PRKN: variants seen among roughly 807,000 people sequenced by gnomAD.
The protein encoded by PRKN is E3 ubiquitin-protein ligase parkin.
A neutral mutation model predicts 59.5 loss-of-function variants in PRKN; 56 were observed. That is an observed-to-expected ratio of 0.94 (90% CI 0.76 to 1.18). PRKN has a LOEUF of 1.18. PRKN is among the 50% of genes most tolerant of loss of function. The pLI is 0.00. For synonymous variants in PRKN, 250 were observed against 222.1 expected (o/e 1.13, Z -1.12); for missense variants, 657 against 596.4 (o/e 1.10, Z -1.06).
In PRKN at chr6:161,752,322, C is replaced by T. The variant is rs374801063; in HGVS notation, c.871+33450G>A. Among the ~76,000 whole-genome samples the T allele has an allele frequency of 8.5e-5, 13 of 152,148 alleles. No individual in the cohort carries two copies. The East Asian group carries it at 1.4e-3, about 16-fold the overall frequency. On this transcript the variant is annotated intron_variant, in intron 7 of 11. Transcript: ENST00000366898. ...GGCAGAGGCTGCAGTGAGCCGAGATCGCGCCACTGCACTCTAGCCTGGTGA... is the reference window on the plus strand; with the variant it reads ...GGCAGAGGCTGCAGTGAGCCGAGATTGCGCCACTGCACTCTAGCCTGGTGA...
At chr6:161,861,840 G>A (rs1793916437) in intron 6 of PRKN, among the ~76,000 whole-genome samples, 1 of 152,164 alleles carries the variant, frequency 6.6e-6, no homozygotes, top group African/African-American at 2.4e-5. Context: ...TGGGTGACTA[G>A]ATTTGTTTCC....
At chr6:161,365,497 G>T (rs1239438604) in intron 10 of PRKN, among the ~76,000 whole-genome samples, 3 of 152,200 alleles carry the variant, frequency 2.0e-5, no homozygotes, top group Admixed American at 6.5e-5. Context: ...AGCTCAACTT[G>T]AAGAAACCTC....
intron 7 of PRKN, among the ~76,000 whole-genome samples, chr6:161,748,222 T>C (rs1225784117): frequency 1.3e-5 from 2 of 152,198 alleles, no homozygotes; most frequent in Admixed American, 6.5e-5. Context: ...AGAAATATTA[T>C]ACATTTAGTG....
chr6:162,574,123 G>A (rs1470721781), intron 1 of PRKN, among the ~76,000 whole-genome samples: 3 of 152,124 alleles, frequency 2.0e-5, no homozygotes, highest in Non-Finnish European at 2.9e-5. Context: ...TGGCGGGGCT[G>A]CTGATTAGCC....
chr6:161,566,417 A>AT lies in PRKN; in HGVS notation c.933+2937dup, dbSNP rs1780644396. ...TTTTTCCCACCTTATTATCATTATTATTTTTCTGAGACAGAGTCTCACTCT... is the reference window on the plus strand; with the variant it reads ...TTTTTCCCACCTTATTATCATTATTATTTTTTCTGAGACAGAGTCTCACTCT... On this transcript the variant is annotated intron_variant, in intron 8 of 11. Coordinates refer to ENST00000366898, the MANE Select transcript of PRKN (RefSeq NM_004562.3). The surrounding 1 kb of genome is among the most constrained non-coding windows in gnomAD (Gnocchi z 4.1). Among the ~76,000 whole-genome samples the AT allele has an allele frequency of 6.6e-6, 1 of 151,542 alleles. No individual in the cohort carries two copies. The highest frequency in any genetic ancestry group is 2.4e-5 in the African/African-American group (1 of 41,214).
At chr6:161,798,593 A>C (rs1263026327) in intron 6 of PRKN, among the ~76,000 whole-genome samples, 1 of 152,190 alleles carries the variant, frequency 6.6e-6, no homozygotes, top group Non-Finnish European at 1.5e-5. Flanking sequence ...ACCTTTCTTG[A>C]ATTAATGCAT....
rs180921683 is a variant in PRKN, at chr6:162,703,840, A to G, written c.7+23822T>C. Among the ~76,000 whole-genome samples, 305 of 152,322 alleles carry G rather than the reference A, an allele frequency of 2.0e-3. 1 individual carries two copies. Among genetic ancestry groups the G allele is most frequent in the African/African-American group, 7.1e-3 (294 of 41,566 alleles). ...ATTACCACTGTTTTAGCTATCAGTG[A>G]AGGTGTTAGATTGTGTTGTTATTCC... On this transcript the variant is annotated intron_variant, in intron 1 of 11. Coordinates refer to ENST00000366898, the MANE Select transcript of PRKN (RefSeq NM_004562.3).
chr6:162,148,759 T>C (rs1782135819), intron 4 of PRKN, among the ~76,000 whole-genome samples: 1 of 152,198 alleles, frequency 6.6e-6, no homozygotes, highest in South Asian at 2.1e-4. Context: ...AGTAGAATTC[T>C]GAGATGGGCC....
At chr6:161,472,994 A>G (rs1337234655) in intron 9 of PRKN, among the ~76,000 whole-genome samples, 1 of 152,170 alleles carries the variant, frequency 6.6e-6, no homozygotes, top group East Asian at 1.9e-4. Flanking sequence ...AAAAGACATA[A>G]CAAGCGGTAG....
At chr6:162,108,954 G>C (rs1780302817) in intron 4 of PRKN, among the ~76,000 whole-genome samples, 1 of 152,226 alleles carries the variant, frequency 6.6e-6, no homozygotes, top group South Asian at 2.1e-4. Flanking sequence ...TTACTGAAGT[G>C]GCGGTGTACA....
At chr6:162,455,367 G>A (rs1009329494) in intron 1 of PRKN, among the ~76,000 whole-genome samples, 4 of 152,286 alleles carry the variant, frequency 2.6e-5, no homozygotes, top group African/African-American at 9.6e-5. Flanking sequence ...CAAACATCAT[G>A]GAGTGTATTT....
intron 2 of PRKN, among the ~76,000 whole-genome samples, chr6:162,268,854 G>T (rs747454095): frequency 1.3e-5 from 2 of 152,158 alleles, no homozygotes; most frequent in African/African-American, 4.8e-5. Context: ...ATGCTGCAAC[G>T]GAACCACCCC....
intron 2 of PRKN, among the ~76,000 whole-genome samples, chr6:162,357,099 T>C (rs1386886821): frequency 1.3e-5 from 2 of 151,986 alleles, no homozygotes; most frequent in African/African-American, 2.4e-5. Context: ...AAAGGCACAA[T>C]CCATGAAAGA....
At chr6:162,214,680 C>T (rs1777562290) in intron 3 of PRKN, among the ~76,000 whole-genome samples, 1 of 152,018 alleles carries the variant, frequency 6.6e-6, no homozygotes, top group Non-Finnish European at 1.5e-5. Context: ...ACAGATAACA[C>T]CCAAAATGTG....
At chr6:162,648,044 C>T (rs1371705584) in intron 1 of PRKN, among the ~76,000 whole-genome samples, 1 of 149,764 alleles carries the variant, frequency 6.7e-6, no homozygotes, top group Non-Finnish European at 1.5e-5. Context: ...CACCCATTCC[C>T]AACTAATTAC....
At chr6:162,406,016 A>G (rs183422275) in intron 2 of PRKN, among the ~76,000 whole-genome samples, 30 of 152,346 alleles carry the variant, frequency 2.0e-4, no homozygotes, top group Admixed American at 1.6e-3. Context: ...CTGAACATCA[A>G]GACAGGGATT....
In PRKN at chr6:161,581,475, G is replaced by A. The variant is rs1435816912; in HGVS notation, c.872-12059C>T. On this transcript the variant is annotated intron_variant, in intron 7 of 11. Coordinates refer to ENST00000366898, the MANE Select transcript of PRKN (RefSeq NM_004562.3). This position sits in a 1 kb window ranked among gnomAD's most constrained non-coding sequence, Gnocchi z 4.5. ...AGTTTTTTTGAGAAGTGTTGAGAGA[G>A]AAGAGGCCTGGAATCTAAAAACACA... Among the ~76,000 whole-genome samples, 1 of 152,186 alleles carries A rather than the reference G, an allele frequency of 6.6e-6. No individual in the cohort carries two copies. Among genetic ancestry groups the A allele is most frequent in the African/African-American group, 2.4e-5 (1 of 41,444 alleles).
chr6:162,581,759 C>CAA (rs1780800920), intron 1 of PRKN, among the ~76,000 whole-genome samples: 2 of 145,000 alleles, frequency 1.4e-5, no homozygotes, highest in Admixed American at 6.9e-5. Context: ...AACTCTGTCT[C>CAA]AAAATATATA....
chr6:162,395,397 A>G (rs1440261659), intron 2 of PRKN, among the ~76,000 whole-genome samples: 1 of 152,242 alleles, frequency 6.6e-6, no homozygotes, highest in Non-Finnish European at 1.5e-5. Flanking sequence ...CTTGGCCAAC[A>G]GCCAGCATCA....
Sources: allele counts gnomAD v4.1 joint callset (sites outside exome capture counted in the v4.1 genomes callset), GRCh38; gene constraint gnomAD v4.1.1; non-coding constraint Gnocchi (gnomAD v3.1); transcripts MANE v1.5; gene names NCBI Gene and HGNC (gene_info 2026-07-23, HGNC 2026-07-21).